CPED1: variants seen among roughly 807,000 people sequenced by gnomAD.
The protein encoded by CPED1 is cadherin like and PC-esterase domain containing 1, also known as cadherin-like and PC-esterase domain-containing protein 1.
A neutral mutation model predicts 128.2 loss-of-function variants in CPED1; 114 were observed. The observed-to-expected ratio is 0.89, with a 90% CI of 0.76 to 1.04. The LOEUF is 1.04. Ranked by LOEUF, CPED1 falls within the 50% of genes least tolerant of loss-of-function variation. The pLI is 0.00. For synonymous variants in CPED1, 462 were observed against 426.7 expected, an observed-to-expected ratio of 1.08 and a Z score of -1.02; for missense variants, 1,211 against 1,207.1, an observed-to-expected ratio of 1.00 and a Z score of -0.05.
intron 5 of CPED1, among the ~76,000 whole-genome samples, chr7:121,091,946 G>A (rs1794581450): frequency 6.6e-6 from 1 of 151,990 alleles, no homozygotes; most frequent in South Asian, 2.1e-4. Context: ...ATCATCTTGG[G>A]CCCAAGTTCA....
intron 3 of CPED1, among the ~76,000 whole-genome samples, chr7:121,045,417 T>C (rs1793172021): frequency 6.6e-6 from 1 of 152,220 alleles, no homozygotes; most frequent in South Asian, 2.1e-4. Context: ...GAGGAACCAG[T>C]AGCCCAGACA....
At chr7:121,091,175 G>GAAAAAAAAAAATTGCAGTAACTGA (rs60707894) in intron 5 of CPED1, among the ~76,000 whole-genome samples, 1 of 149,414 alleles carries the variant, frequency 6.7e-6, no homozygotes, top group Non-Finnish European at 1.5e-5. Flanking sequence ...TGCAGTAACT[G>GAAAAAAAAAAATTGCAGTAACTGA]AAAAAAAAAA....
chr7:121,040,545 T>G (rs1793023503), intron 3 of CPED1, among the ~76,000 whole-genome samples: 1 of 152,084 alleles, frequency 6.6e-6, no homozygotes, highest in South Asian at 2.1e-4. Context: ...TAGACCCTAA[T>G]TTATCATCAA....
chr7:121,184,770 G>A (rs942219842), intron 16 of CPED1, among the ~76,000 whole-genome samples: 3 of 152,228 alleles, frequency 2.0e-5, no homozygotes, highest in African/African-American at 7.2e-5. Flanking sequence ...GAAAATTAAT[G>A]AGAAAATAGT....
chr7:121,242,216 C>A (rs1198098221), intron 17 of CPED1, among the ~76,000 whole-genome samples: 3 of 152,078 alleles, frequency 2.0e-5, no homozygotes, highest in African/African-American at 4.8e-5. Context: ...AATCTTCTAA[C>A]CTGAGTATAA....
chr7:121,008,309 T>C (rs923829871), intron 2 of CPED1, among the ~76,000 whole-genome samples: 5 of 152,202 alleles, frequency 3.3e-5, no homozygotes, highest in South Asian at 2.1e-4. Context: ...GGTTTCCTAC[T>C]AGCTACTTAA....
At chr7:121,175,244 C>T (rs1796747858) in intron 16 of CPED1, among the ~76,000 whole-genome samples, 1 of 152,006 alleles carries the variant, frequency 6.6e-6, no homozygotes, top group Non-Finnish European at 1.5e-5. Context: ...CTAGGACTTC[C>T]AATACTAGGT....
intron 18 of CPED1, among the ~76,000 whole-genome samples, chr7:121,248,539 T>C (rs955525214): frequency 3.6e-5 from 5 of 139,318 alleles, no homozygotes; most frequent in African/African-American, 8.5e-5. Context: ...TACTGGATCA[T>C]AGCCCAAACT....
chr7:121,115,435 CA>C (rs1228609060), intron 7 of CPED1, among the ~76,000 whole-genome samples: 4 of 152,112 alleles, frequency 2.6e-5, no homozygotes, highest in Non-Finnish European at 5.9e-5. Flanking sequence ...CTTTATTGTA[CA>C]ACCAGAACTG....
intron 7 of CPED1, among the ~76,000 whole-genome samples, chr7:121,105,424 A>C (rs940654738): frequency 1.3e-5 from 2 of 152,090 alleles, no homozygotes; most frequent in African/African-American, 4.8e-5. Context: ...TTTATGTCCA[A>C]AACTGCAGGC....
chr7:121,001,064 C>A (rs1387273808), intron 2 of CPED1, among the ~76,000 whole-genome samples: 5 of 152,106 alleles, frequency 3.3e-5, no homozygotes, highest in Non-Finnish European at 7.4e-5. Context: ...ATTATATTTT[C>A]TTCAATAATG....
chr7:121,241,071 C>T lies in CPED1; in HGVS notation c.2174-3131C>T, dbSNP rs1442122048. Among the ~76,000 whole-genome samples, 4 of 51,916 alleles carry T rather than the reference C, an allele frequency of 7.7e-5. 1 individual carries two copies. The highest frequency in any genetic ancestry group is 2.5e-4 in the East Asian group (1 of 3,926). The allele number at this position is 51,916 out of a possible 152,430, so 34.1% of individuals were successfully genotyped here. On this transcript the variant is annotated intron_variant, in intron 17 of 22. Transcript: ENST00000310396. ...AAGAAATTATAAAACAGGCCGGGCG[C>T]GGTGGCTCACGCCTGTAATCCCAGC...
At chr7:121,267,065 T>C (rs907588524) in intron 20 of CPED1, 150 bp from the exon 21 acceptor site, 5 of 614,522 alleles carry the variant, frequency 8.1e-6, no homozygotes, top group Non-Finnish European at 1.4e-5. Flanking sequence ...AAAAACCGTA[T>C]TATACATCAA....
At chr7:121,269,541 T>C (rs929580283) in intron 21 of CPED1, among the ~76,000 whole-genome samples, 3 of 152,088 alleles carry the variant, frequency 2.0e-5, no homozygotes, top group Non-Finnish European at 4.4e-5. Context: ...CAAATGGTAG[T>C]TCCATTTTTA....
chr7:121,240,780 A>AAAAAAAAAAG (rs1798373407), intron 17 of CPED1, among the ~76,000 whole-genome samples: 1 of 150,408 alleles, frequency 6.6e-6, no homozygotes, highest in Non-Finnish European at 1.5e-5. Context: ...AAAAAAAAAA[A>AAAAAAAAAAG]GTGACGGGGA....
At chr7:121,252,400 GACATC>G in intron 18 of CPED1, among the ~76,000 whole-genome samples, 1 of 151,788 alleles carries the variant, frequency 6.6e-6, no homozygotes, top group South Asian at 2.1e-4. Context: ...TCAGGACATA[GACATC>G]GGCAAGGACT....
intron 16 of CPED1, among the ~76,000 whole-genome samples, chr7:121,194,138 C>G (rs961852852): frequency 4.7e-5 from 7 of 148,734 alleles, no homozygotes; most frequent in African/African-American, 1.7e-4. Context: ...ACCTCTGCCT[C>G]CCAGGTTCAA....
At chr7:121,049,523 C>A (rs7784837) in intron 4 of CPED1, among the ~76,000 whole-genome samples, 3 of 152,108 alleles carry the variant, frequency 2.0e-5, no homozygotes, top group African/African-American at 7.2e-5. Flanking sequence ...GTGATGCCAC[C>A]CACAAACGTC....
intron 16 of CPED1, among the ~76,000 whole-genome samples, chr7:121,223,636 A>C (rs1244019589): frequency 6.6e-6 from 1 of 151,630 alleles, no homozygotes; most frequent in Non-Finnish European, 1.5e-5. Flanking sequence ...TCAATTTTGG[A>C]GCCTGTTATT....
Sources: gnomAD v4.1 joint callset for allele counts (sites outside exome capture counted in the v4.1 genomes callset) on GRCh38, gnomAD v4.1.1 for gene constraint, MANE v1.5 for transcripts, NCBI Gene and HGNC (gene_info 2026-07-23, HGNC 2026-07-21) for gene names.